PRSS12: variants seen among roughly 807,000 people sequenced by gnomAD.
PRSS12 encodes the protein neurotrypsin.
PRSS12 carries 85 observed loss-of-function variants against 104.4 expected under a neutral mutation model. That is an observed-to-expected ratio of 0.81 (90% confidence interval 0.68 to 0.98). The LOEUF (loss-of-function observed/expected upper bound fraction) is 0.98, where lower values mean the gene tolerates loss of function less well. PRSS12 is among the 50% of genes least tolerant of loss of function. The pLI, the probability that PRSS12 is intolerant of heterozygous loss-of-function variation, is 0.00. For missense variants in PRSS12, 1,141 were observed against 1,139.2 expected (o/e 1.00, Z -0.02); for synonymous variants, 454 against 425.2 (o/e 1.07, Z -0.83).
intron 1 of PRSS12, among the ~76,000 whole-genome samples, chr4:118,350,707 A>G (rs1724476149): frequency 6.9e-6 from 1 of 144,770 alleles, no homozygotes; most frequent in Non-Finnish European, 1.5e-5. Flanking sequence ...TCCAAGGACA[A>G]GTTACTCTCC....
chr4:118,315,207 T>C (rs530854361), intron 6 of PRSS12, among the ~76,000 whole-genome samples: 1 of 152,216 alleles, frequency 6.6e-6, no homozygotes, highest in South Asian at 2.1e-4. Flanking sequence ...ATTGTGAGTA[T>C]GTAGCAATAT....
chr4:118,326,669 C>G (rs1223534105), intron 4 of PRSS12, among the ~76,000 whole-genome samples: 1 of 152,056 alleles, frequency 6.6e-6, no homozygotes, highest in Non-Finnish European at 1.5e-5. Context: ...TGTATTTATT[C>G]TTATTAACAC....
chr4:118,316,992 C>T (rs1723458530), intron 5 of PRSS12, among the ~76,000 whole-genome samples: 1 of 151,172 alleles, frequency 6.6e-6, no homozygotes, highest in Non-Finnish European at 1.5e-5. Flanking sequence ...CAAGTCAGAG[C>T]AATACATGTC....
intron 8 of PRSS12, among the ~76,000 whole-genome samples, chr4:118,302,432 T>C (rs1346592069): frequency 1.3e-5 from 2 of 152,202 alleles, no homozygotes; most frequent in Non-Finnish European, 2.9e-5. Flanking sequence ...TTCATGTAAT[T>C]CAGAAACTGT....
chr4:118,286,296 A>G (rs1436722093), intron 11 of PRSS12, among the ~76,000 whole-genome samples: 1 of 152,168 alleles, frequency 6.6e-6, no homozygotes, highest in Non-Finnish European at 1.5e-5. Context: ...CCTCTCTGAT[A>G]CCAGCCTGGC....
At chr4:118,318,633 A>G (rs972813) in intron 4 of PRSS12, 77 bp from the exon 5 acceptor site, 410,899 of 1,414,080 alleles carry the variant, frequency 0.29, 61,918 homozygotes, top group East Asian at 0.51. Context: ...TGTCCCTAGT[A>G]AAAGCATTAT....
chr4:118,342,581 T>G (rs773473302), intron 1 of PRSS12, among the ~76,000 whole-genome samples: 1 of 152,206 alleles, frequency 6.6e-6, no homozygotes, highest in Non-Finnish European at 1.5e-5. Flanking sequence ...GTCAATTATA[T>G]TAAGCATTAT....
intron 9 of PRSS12, among the ~76,000 whole-genome samples, chr4:118,297,273 T>A (rs927598588): frequency 9.9e-5 from 15 of 152,080 alleles, no homozygotes; most frequent in Non-Finnish European, 2.2e-4. Flanking sequence ...TGGAAAGATA[T>A]CAAAAAGAAT....
At chr4:118,299,272 A>T (rs1320738369) in intron 8 of PRSS12, among the ~76,000 whole-genome samples, 3 of 152,202 alleles carry the variant, frequency 2.0e-5, no homozygotes, top group Admixed American at 6.5e-5. Context: ...TTACCCTCTT[A>T]AAGAGTACAA....
In PRSS12 at chr4:118,283,253, A is replaced by G. The variant is rs1578899745; in HGVS notation, c.2040-142T>C. The G allele has an allele frequency of 1.3e-5, 13 of 1,022,258 alleles. No homozygotes were observed. The South Asian group carries it at 1.6e-4, about 13-fold the overall frequency. The allele number at this position is 1,022,258 out of a possible 1,614,324, so 63.3% of individuals were successfully genotyped here. On this transcript the variant is annotated intron_variant, in intron 11 of 12. Coordinates refer to ENST00000296498, the MANE Select transcript of PRSS12 (RefSeq NM_003619.4). Reference sequence around the variant, plus strand: ...TTCAACCTTTCTTTCCATTTATCTGACCCACCATTCCTGATCCTCTACTGC... The same window carrying G: ...TTCAACCTTTCTTTCCATTTATCTGGCCCACCATTCCTGATCCTCTACTGC...
At chr4:118,324,091 G>A (rs34548184) in intron 4 of PRSS12, among the ~76,000 whole-genome samples, 4,501 of 151,926 alleles carry the variant, frequency 0.03, 111 homozygotes, top group Non-Finnish European at 0.047. Context: ...GCAAAGATAG[G>A]GTTTCTCCAT....
intron 8 of PRSS12, chr4:118,303,403 A>G (rs1306271016): frequency 6.6e-6 from 1 of 152,192 alleles, no homozygotes; most frequent in Non-Finnish European, 1.5e-5. Flanking sequence ...ACTAAAAAAA[A>G]GCACCATTTT....
intron 7 of PRSS12, chr4:118,312,883 G>A (rs1292600940): frequency 3.0e-6 from 1 of 337,302 alleles, no homozygotes; most frequent in African/African-American, 2.1e-5. Context: ...ATCAGAATAA[G>A]TGACCGAGGA....
At chr4:118,328,935 A>C (rs1013759860) in intron 4 of PRSS12, among the ~76,000 whole-genome samples, 11 of 152,108 alleles carry the variant, frequency 7.2e-5, no homozygotes, top group African/African-American at 2.7e-4. Context: ...CTGGGATCCC[A>C]GGTGCCTACC....
rs183410755 is a variant in PRSS12 at position 118,316,278 on chromosome 4, C to T, written c.1196G>A (p.Arg399His). The T allele has an allele frequency of 7.2e-5, 116 of 1,614,068 alleles. No individual in the cohort carries two copies. Among genetic ancestry groups the T allele is most frequent in the Non-Finnish European group, 9.4e-5 (111 of 1,180,014 alleles). Residue 399 changes from arginine to histidine, a missense_variant, in exon 6 of 13, where the codon CGC becomes CAC. Arg to His is a conservative substitution (Grantham distance 29, BLOSUM62 0). Coordinates refer to ENST00000296498, the MANE Select transcript of PRSS12 (RefSeq NM_003619.4). ...CTGGCCTCTGTAATATACCTCCAAG[C>T]GACCCTCATGGCTGCCTTTCCCACC... ...LAGGKGSHEGRLEVYYRGQWG... is the reference protein window; with the variant it reads ...LAGGKGSHEGHLEVYYRGQWG...
chr4:118,283,006 A>G lies in PRSS12; in HGVS notation c.2145T>C (p.His715=), dbSNP rs578082338. 7 of 1,614,190 alleles carry G rather than the reference A, an allele frequency of 4.3e-6. No individual in the cohort carries two copies. The East Asian group carries it at 1.6e-4, about 36-fold the overall frequency. The change falls in exon 12 of 13, where the codon CAT becomes CAC. Residue 715 remains histidine, a synonymous_variant. Coordinates refer to ENST00000296498, the MANE Select transcript of PRSS12 (RefSeq NM_003619.4). ...CACTGCGGTCGGGTCGATACTCCCG[A>G]TGAATCACAATCTGTTGAACTCCAA... ...EEIGVQQIVI[H]REYRPDRSDY...
rs1743812116 is a variant in PRSS12, at chr4:118,313,417, A to G, written c.1293-20T>C. The G allele has an allele frequency of 1.2e-6, 2 of 1,611,822 alleles. No homozygotes were observed. Among genetic ancestry groups the G allele is most frequent in the Admixed American group, 1.7e-5 (1 of 59,998 alleles). On this transcript the variant is annotated intron_variant, in intron 6 of 12. Coordinates refer to ENST00000296498, the MANE Select transcript of PRSS12 (RefSeq NM_003619.4). ...CCATATCTGTGACAATTGAATAAAC[A>G]CTGTGTATAGAACTTCTGTCTCTTG... is the stretch of plus-strand genomic sequence containing the variant.
At position 118,283,116 on chromosome 4, in the gene PRSS12, G is replaced by C; in HGVS notation, c.2040-5C>G. ...CTCCTAGTGCTGTTGCCATACCTGA[G>C]AGGCAGAGAGTACTAATGAGAGACT... On this transcript the variant is annotated splice_polypyrimidine_tract_variant and splice_region_variant and intron_variant, in intron 11 of 12. Coordinates refer to ENST00000296498, the MANE Select transcript of PRSS12 (RefSeq NM_003619.4). 6.2e-7 allele frequency: 1 copy of C among 1,613,968 alleles called. No individual in the cohort carries two copies.
chr4:118,340,815 C>G (rs1422792466), intron 1 of PRSS12, among the ~76,000 whole-genome samples: 1 of 152,210 alleles, frequency 6.6e-6, no homozygotes, highest in Non-Finnish European at 1.5e-5. Context: ...TCAGGTTTAA[C>G]AAAGTGTGGT....
Sources: allele counts gnomAD v4.1 joint callset (sites outside exome capture counted in the v4.1 genomes callset), GRCh38; gene constraint gnomAD v4.1.1; transcripts MANE v1.5; gene names NCBI Gene and HGNC (gene_info 2026-07-23, HGNC 2026-07-21).